FRMD5: variants seen among roughly 807,000 people sequenced by gnomAD.
FRMD5 encodes the protein FERM domain-containing protein 5.
FRMD5 carries 20 observed loss-of-function variants against 69.0 expected under a neutral mutation model. That is an observed-to-expected ratio of 0.29 (90% confidence interval 0.20 to 0.42). FRMD5 has a LOEUF of 0.42. FRMD5 is among the 10% of genes least tolerant of loss of function. The probability of loss-of-function intolerance (pLI) is 1.00; values close to 1 mark genes in which losing one functional copy is unlikely to be tolerated. For synonymous variants in FRMD5, 271 were observed against 260.1 expected (o/e 1.04, Z -0.40); for missense variants, 595 against 708.6 (o/e 0.84, Z 1.82).
chr15:44,005,471 CAAAAAAAAAAAAAA>C (rs55839205), intron 1 of FRMD5, among the ~76,000 whole-genome samples: 4 of 69,456 alleles, frequency 5.8e-5, no homozygotes, highest in Non-Finnish European at 1.1e-4. Flanking sequence ...AACTCCATCT[CAAAAAAAAAAAAAA>C]AAAAAAAAGA....
At chr15:44,029,909 T>G (rs1370721461) in intron 1 of FRMD5, among the ~76,000 whole-genome samples, 2 of 152,238 alleles carry the variant, frequency 1.3e-5, no homozygotes, top group African/African-American at 4.8e-5. Context: ...CTGAAAGAAC[T>G]TATGAATGAA....
chr15:44,039,440 C>A (rs542427071), intron 1 of FRMD5, among the ~76,000 whole-genome samples: 1 of 152,174 alleles, frequency 6.6e-6, no homozygotes, highest in African/African-American at 2.4e-5. Context: ...TGGCAACTGG[C>A]AGGTGCCACT....
At chr15:44,079,873 T>A (rs1470066240) in intron 1 of FRMD5, among the ~76,000 whole-genome samples, 1 of 152,094 alleles carries the variant, frequency 6.6e-6, no homozygotes, top group Non-Finnish European at 1.5e-5. Context: ...CTTGGTGGAA[T>A]AAGCCAGACA....
At chr15:44,070,710 A>G (rs1244554525) in intron 1 of FRMD5, among the ~76,000 whole-genome samples, 1 of 152,220 alleles carries the variant, frequency 6.6e-6, no homozygotes, top group Admixed American at 6.5e-5. Context: ...TATGTAGTCC[A>G]ACATTTCCTG....
intron 1 of FRMD5, among the ~76,000 whole-genome samples, chr15:44,092,927 C>CTTTTTTTTTTT (rs3040924): frequency 1.3e-5 from 1 of 79,394 alleles, no homozygotes; most frequent in African/African-American, 4.7e-5. Context: ...TATCCTCTGC[C>CTTTTTTTTTTT]TTTTTTTTTT....
intron 1 of FRMD5, among the ~76,000 whole-genome samples, chr15:44,185,793 T>TA (rs112329664): frequency 0.11 from 16,114 of 144,548 alleles, 1,947 homozygotes; most frequent in African/African-American, 0.31. Flanking sequence ...ACTCTTATCT[T>TA]AAAAAAAAAA....
intron 5 of FRMD5, among the ~76,000 whole-genome samples, chr15:43,906,813 G>A (rs954699456): frequency 6.7e-6 from 1 of 148,968 alleles, no homozygotes; most frequent in Non-Finnish European, 1.5e-5. Flanking sequence ...GTGTTAGCCA[G>A]GATGGTCTCG....
chr15:44,063,681 C>T lies in FRMD5; in HGVS notation c.102+131272G>A, dbSNP rs776700410. 55 of 395,552 alleles carry T rather than the reference C, an allele frequency of 1.4e-4. 1 individual carries two copies. The highest frequency in any genetic ancestry group is 2.5e-4 in the Non-Finnish European group (50 of 203,856). 24.5% of individuals were successfully genotyped at this position (395,552 alleles called of 1,614,324 possible). On this transcript the variant is annotated intron_variant, in intron 1 of 13. Transcript: ENST00000417257. Reference sequence around the variant, plus strand: ...ATGATTCCACCCATAGCAAGTTCCACAGCATCATCAAGCCTGAGAATGGGA... The same window carrying T: ...ATGATTCCACCCATAGCAAGTTCCATAGCATCATCAAGCCTGAGAATGGGA...
chr15:44,076,627 G>A (rs1180316544), intron 1 of FRMD5, among the ~76,000 whole-genome samples: 1 of 117,314 alleles, frequency 8.5e-6, no homozygotes, highest in African/African-American at 3.2e-5. Context: ...CTGTTGTGGG[G>A]TGGGGGGAGG....
At chr15:44,005,396 G>T (rs915175807) in intron 1 of FRMD5, among the ~76,000 whole-genome samples, 5 of 146,018 alleles carry the variant, frequency 3.4e-5, no homozygotes, top group African/African-American at 1.3e-4. Context: ...ACTTGAACCC[G>T]GTAGGTGGAG....
intron 1 of FRMD5, among the ~76,000 whole-genome samples, chr15:43,956,187 T>A (rs115607809): frequency 0.012 from 1,756 of 152,346 alleles, 32 homozygotes; most frequent in African/African-American, 0.04. Flanking sequence ...TTTTCTCTCA[T>A]AAATTTATAA....
At chr15:44,065,496 G>C (rs1893270497) in intron 1 of FRMD5, among the ~76,000 whole-genome samples, 1 of 152,174 alleles carries the variant, frequency 6.6e-6, no homozygotes, top group Admixed American at 6.5e-5. Flanking sequence ...AATCGATTTA[G>C]TGTCATTTGA....
At chr15:43,971,317 T>C (rs148138454) in intron 1 of FRMD5, among the ~76,000 whole-genome samples, 1,800 of 152,252 alleles carry the variant, frequency 0.012, 19 homozygotes, top group Non-Finnish European at 0.02. Context: ...AAGATCATTT[T>C]AAAATATTTG....
intron 1 of FRMD5, among the ~76,000 whole-genome samples, chr15:44,179,039 C>A (rs750460784): frequency 1.3e-5 from 2 of 151,652 alleles, no homozygotes; most frequent in Admixed American, 1.3e-4. Flanking sequence ...CAAGTCTAAT[C>A]AAAGTAAACA....
intron 5 of FRMD5, among the ~76,000 whole-genome samples, chr15:43,909,422 C>CA (rs1194644496): frequency 7.3e-5 from 11 of 149,878 alleles, no homozygotes; most frequent in South Asian, 4.4e-4. Context: ...ACAAAACAAA[C>CA]AAAAAAAACT....
intron 1 of FRMD5, among the ~76,000 whole-genome samples, chr15:44,072,056 T>C (rs1893564069): frequency 6.6e-6 from 1 of 152,070 alleles, no homozygotes; most frequent in South Asian, 2.1e-4. Flanking sequence ...AGCAGAGACG[T>C]GGTTTCACCA....
chr15:43,919,113 G>A (rs1169245764), intron 4 of FRMD5: 2 of 384,414 alleles, frequency 5.2e-6, no homozygotes, highest in Non-Finnish European at 5.2e-6. Flanking sequence ...TGCAACCTCC[G>A]AAATAAGCAG....
At chr15:43,983,889 A>T (rs530770626) in intron 1 of FRMD5, among the ~76,000 whole-genome samples, 14 of 152,284 alleles carry the variant, frequency 9.2e-5, no homozygotes, top group African/African-American at 3.4e-4. Flanking sequence ...TGCTAGAGAA[A>T]ATGTAAGGAC....
chr15:43,873,396 T>G lies in FRMD5; in HGVS notation c.*489A>C. On this transcript the variant is annotated 3_prime_UTR_variant, in exon 14 of 14. Transcript: ENST00000417257. Reference sequence around the variant, plus strand: ...CATTGTCCAGATCCCTGGCCTGCCCTGCTGAGGCTGCAGTGATGAGTCTAC... The same window carrying G: ...CATTGTCCAGATCCCTGGCCTGCCCGGCTGAGGCTGCAGTGATGAGTCTAC... 6.9e-7 allele frequency: 1 copy of G among 1,441,636 alleles called. No individual in the cohort carries two copies. The highest frequency in any genetic ancestry group is 9.0e-7 in the Non-Finnish European group (1 of 1,106,792). The allele number at this position is 1,441,636 out of a possible 1,614,324, so 89.3% of individuals were successfully genotyped here.
Sources: gnomAD v4.1 joint callset for allele counts (sites outside exome capture counted in the v4.1 genomes callset) on GRCh38, gnomAD v4.1.1 for gene constraint, MANE v1.5 for transcripts, NCBI Gene and HGNC (gene_info 2026-07-23, HGNC 2026-07-21) for gene names.